PYGL: variants seen among roughly 807,000 people sequenced by gnomAD.
PYGL encodes glycogen phosphorylase L, also known as glycogen phosphorylase, liver form.
In PYGL, 90 loss-of-function variants were observed where a neutral mutation model predicts 100.1. That is an observed-to-expected ratio of 0.90 (90% CI 0.76 to 1.07). The LOEUF (loss-of-function observed/expected upper bound fraction) is 1.07, where lower values mean the gene tolerates loss of function less well. Ranked by LOEUF, PYGL falls within the 50% of genes least tolerant of loss-of-function variation. PYGL has a pLI of 0.00. For synonymous variants in PYGL, 373 were observed against 393.0 expected (o/e 0.95, Z 0.60); for missense variants, 1,016 against 1,057.6 (o/e 0.96, Z 0.55).
At chr14:50,931,212 G>A (rs141462928) in intron 4 of PYGL, among the ~76,000 whole-genome samples, 1 of 152,200 alleles carries the variant, frequency 6.6e-6, no homozygotes, top group Non-Finnish European at 1.5e-5. Context: ...ATACAGACAT[G>A]TATTGGCCAG....
At chr14:50,925,628 G>A (rs2050540643) in intron 4 of PYGL, among the ~76,000 whole-genome samples, 4 of 152,172 alleles carry the variant, frequency 2.6e-5, no homozygotes. Context: ...TGAGAATTTA[G>A]ACTAACCATT....
chr14:50,942,314 A>C lies in PYGL; in HGVS notation c.243+1847T>G, dbSNP rs2139203466. The stretch of plus-strand genomic sequence containing the variant: ...GCCCAGTGAAGAAACTGGCCGGAGA[A>C]CCAGGAAAACCATAAAGCACTGCAT... On this transcript the variant is annotated intron_variant, in intron 1 of 19. Coordinates refer to ENST00000216392, the MANE Select transcript of PYGL (RefSeq NM_002863.5). 1.4e-5 allele frequency among the ~76,000 whole-genome samples: 2 copies of C among 140,048 alleles called. 1 individual carries two copies. The highest frequency in any genetic ancestry group is 1.6e-4 in the Admixed American group (2 of 12,208). 91.9% of individuals were successfully genotyped at this position (140,048 alleles called of 152,430 possible).
At chr14:50,909,611 A>G (rs540206654) in intron 17 of PYGL, among the ~76,000 whole-genome samples, 3 of 152,366 alleles carry the variant, frequency 2.0e-5, no homozygotes, top group South Asian at 2.1e-4. Flanking sequence ...GATCAAAGTA[A>G]AAATCATACA....
intron 16 of PYGL, among the ~76,000 whole-genome samples, chr14:50,911,111 T>C (rs1424221756): frequency 2.0e-5 from 3 of 152,330 alleles, no homozygotes; most frequent in African/African-American, 7.2e-5. Context: ...AATACACAGT[T>C]GGGCATTTGC....
At chr14:50,941,325 T>G (rs979483557) in intron 1 of PYGL, among the ~76,000 whole-genome samples, 2 of 145,362 alleles carry the variant, frequency 1.4e-5, no homozygotes, top group African/African-American at 4.9e-5. Context: ...CTGAAAAATG[T>G]CTTGGCCAAC....
intron 16 of PYGL, among the ~76,000 whole-genome samples, chr14:50,910,395 A>C (rs1372984950): frequency 6.6e-6 from 1 of 151,942 alleles, no homozygotes. Context: ...ATTCCTTCCA[A>C]TTTTTGTTAC....
chr14:50,937,972 C>A, intron 1 of PYGL, 135 bp from the exon 2 acceptor site: 1 of 805,084 alleles, frequency 1.2e-6, no homozygotes, highest in Non-Finnish European at 2.1e-6. Context: ...TCGAATGAGA[C>A]TCCCGTCAGA....
intron 8 of PYGL, 60 bp downstream of exon 8, chr14:50,916,902 T>C: frequency 3.2e-6 from 5 of 1,585,754 alleles, no homozygotes; most frequent in South Asian, 1.1e-5. Flanking sequence ...ATTAATCTGA[T>C]AGGAAATCCC....
At chr14:50,935,633 C>T (rs1020542826) in intron 2 of PYGL, among the ~76,000 whole-genome samples, 2 of 152,068 alleles carry the variant, frequency 1.3e-5, no homozygotes, top group Non-Finnish European at 2.9e-5. Flanking sequence ...TGTGTGTGTA[C>T]AGTAGGGTTA....
chr14:50,925,642 G>A (rs140447552), intron 4 of PYGL, among the ~76,000 whole-genome samples: 103 of 152,232 alleles, frequency 6.8e-4, no homozygotes, highest in East Asian at 5.2e-3. Context: ...AACCATTATT[G>A]TCAACAGCCA....
chr14:50,942,152 C>G (rs749334079), intron 1 of PYGL, among the ~76,000 whole-genome samples: 1 of 152,134 alleles, frequency 6.6e-6, no homozygotes, highest in Non-Finnish European at 1.5e-5. Flanking sequence ...TTTAGACAGA[C>G]GACTGTGATG....
At chr14:50,938,883 C>T (rs1179804350) in intron 1 of PYGL, among the ~76,000 whole-genome samples, 1 of 152,030 alleles carries the variant, frequency 6.6e-6, no homozygotes, top group Non-Finnish European at 1.5e-5. Flanking sequence ...TTATAGGGCA[C>T]CTTGGTGGGT....
Position 50,939,702 on chromosome 14 carries a change from A to G in PYGL, c.244-1865T>C, listed in dbSNP as rs182163642. On this transcript the variant is annotated intron_variant, in intron 1 of 19. Coordinates refer to ENST00000216392, the MANE Select transcript of PYGL (RefSeq NM_002863.5). ...CAAAATGGCAAAAATCTGTAAATGC[A>G]CCAATATAGTTACCTCAAATTTTAG... Among the ~76,000 whole-genome samples the G allele has an allele frequency of 1.5e-4, 23 of 152,310 alleles. No homozygotes were observed. In the East Asian group the frequency reaches 4.1e-3, roughly 27 times the overall value.
Position 50,911,810 on chromosome 14 carries a change from A to C in PYGL, c.1889T>G (p.Val630Gly). Reference protein sequence around the residue: ...IIKLITSVADVVNNDPMVGSK... With the variant: ...IIKLITSVADGVNNDPMVGSK... ...TCCAACCATAGGGTCATTGTTCACC[A>C]CATCTGCCACTGAAGTGATCAGCTT... The change falls in exon 16 of 20, where the codon GTG (valine) becomes GGG (glycine). Residue 630 changes from valine to glycine, a missense_variant. Physicochemically the swap from Val to Gly is moderately radical, Grantham distance 109. Transcript: ENST00000216392. The C allele has an allele frequency of 6.2e-7, 1 of 1,614,188 alleles. No individual in the cohort carries two copies. The highest frequency in any genetic ancestry group is 8.5e-7 in the Non-Finnish European group (1 of 1,179,994).
Position 50,908,323 on chromosome 14 carries a change from G to T in PYGL, c.2327C>A (p.Ala776Glu). The change falls in exon 19 of 20, where the codon GCA (alanine) becomes GAA (glutamate). Residue 776 changes from alanine to glutamate, a missense_variant. Physicochemically the swap from Ala to Glu is moderately radical, Grantham distance 107. Transcript: ENST00000216392. The stretch of plus-strand genomic sequence containing the variant: ...ACACTTGACATAGGCTTCGTAGTCT[G>T]CAAAGACTTTAAACCTTTTATTTTG... ...LFYHDRFKVFADYEAYVKCQD... is the reference protein window; with the variant it reads ...LFYHDRFKVFEDYEAYVKCQD... 2 of 1,601,288 alleles carry T rather than the reference G, an allele frequency of 1.2e-6. 1 individual carries two copies. The highest frequency in any genetic ancestry group is 2.2e-5 in the South Asian group (2 of 90,860).
intron 3 of PYGL, 102 bp from the exon 4 acceptor site, chr14:50,931,878 G>T: frequency 5.6e-6 from 5 of 885,522 alleles, no homozygotes; most frequent in Non-Finnish European, 3.8e-6. Flanking sequence ...ATTGTTATAT[G>T]AAGAACCACA....
intron 3 of PYGL, among the ~76,000 whole-genome samples, chr14:50,934,513 A>G (rs536886249): frequency 6.6e-6 from 1 of 152,356 alleles, no homozygotes; most frequent in African/African-American, 2.4e-5. Flanking sequence ...ACATTGTATT[A>G]AAGCCATACA....
intron 1 of PYGL, among the ~76,000 whole-genome samples, chr14:50,939,057 T>C (rs780638668): frequency 6.6e-6 from 1 of 152,182 alleles, no homozygotes; most frequent in Non-Finnish European, 1.5e-5. Context: ...GATGGATTGA[T>C]TGAGACACAG....
At chr14:50,913,269 A>C in intron 12 of PYGL, 139 bp from the exon 13 acceptor site, 1 of 724,382 alleles carries the variant, frequency 1.4e-6, no homozygotes, top group Non-Finnish European at 2.4e-6. Flanking sequence ...AGTTTGACTC[A>C]AAGAAGAGTC....
Sources: gnomAD v4.1 joint callset for allele counts (sites outside exome capture counted in the v4.1 genomes callset) on GRCh38, gnomAD v4.1.1 for gene constraint, MANE v1.5 for transcripts, NCBI Gene and HGNC (gene_info 2026-07-23, HGNC 2026-07-21) for gene names.